Variants in CCDC146 observed in about 807,000 individuals in gnomAD.
The protein encoded by CCDC146 is coiled-coil domain-containing protein 146.
Under a neutral mutation model 119.3 loss-of-function variants are expected in CCDC146, and 92 were observed. The observed-to-expected ratio is 0.77, with a 90% confidence interval of 0.65 to 0.92. The LOEUF (loss-of-function observed/expected upper bound fraction) is 0.92. Ranked by LOEUF, CCDC146 falls within the 40% of genes least tolerant of loss-of-function variation. The pLI is 0.00. For missense variants in CCDC146, 1,000 were observed against 1,103.0 expected (o/e 0.91, Z 1.32); for synonymous variants, 372 against 371.8 (o/e 1.00, Z -0.01).
chr7:77,288,698 A>C (rs1161784135), intron 17 of CCDC146, among the ~76,000 whole-genome samples: 1 of 152,230 alleles, frequency 6.6e-6, no homozygotes, highest in East Asian at 1.9e-4. Context: ...GCATGAGTTC[A>C]GAAACAAAGA....
chr7:77,220,703 A>T (rs1169238729), intron 2 of CCDC146, among the ~76,000 whole-genome samples: 1 of 152,180 alleles, frequency 6.6e-6, no homozygotes, highest in Non-Finnish European at 1.5e-5. Context: ...TTAGGATTCA[A>T]ATACTCAGGT....
chr7:77,208,263 T>C (rs927853283), intron 2 of CCDC146, among the ~76,000 whole-genome samples: 7 of 152,224 alleles, frequency 4.6e-5, no homozygotes, highest in Admixed American at 1.3e-4. Flanking sequence ...CATGAGTCTA[T>C]TAATGACAGG....
intron 1 of CCDC146, among the ~76,000 whole-genome samples, chr7:77,137,302 G>GAAA (rs543963373): frequency 1.4e-5 from 2 of 144,278 alleles, no homozygotes; most frequent in Non-Finnish European, 3.0e-5. Flanking sequence ...AGATTGGGAA[G>GAAA]AAAAAAAATA....
Position 77,287,589 on chromosome 7 carries a change from AC to A in CCDC146, c.2415+15del. 3 of 1,609,896 alleles carry A rather than the reference AC, an allele frequency of 1.9e-6. No individual in the cohort carries two copies. Among genetic ancestry groups the A allele is most frequent in the Non-Finnish European group, 2.5e-6 (3 of 1,178,222 alleles). ...TCTTAGCCAAGAAGGTAGGCCTGAGACCCTGCCTTTTCCCTTCTGCCCCTGC... is the reference window on the plus strand; with the variant it reads ...TCTTAGCCAAGAAGGTAGGCCTGAGACCTGCCTTTTCCCTTCTGCCCCTGC... On this transcript the variant is annotated intron_variant, in intron 17 of 18. Transcript: ENST00000285871.
At chr7:77,286,622 G>A (rs992716902) in intron 15 of CCDC146, among the ~76,000 whole-genome samples, 176 bp from the exon 16 acceptor site, 1 of 152,166 alleles carries the variant, frequency 6.6e-6, no homozygotes, top group Non-Finnish European at 1.5e-5. Flanking sequence ...TACCATAAAT[G>A]AGCAGAAACG....
At chr7:77,173,404 G>A (rs1295426197) in intron 2 of CCDC146, among the ~76,000 whole-genome samples, 6 of 152,040 alleles carry the variant, frequency 3.9e-5, no homozygotes, top group African/African-American at 1.5e-4. Context: ...TGAGGTGAGC[G>A]GATCACCTGA....
intron 3 of CCDC146, among the ~76,000 whole-genome samples, chr7:77,241,001 T>A (rs1278672483): frequency 1.3e-5 from 2 of 149,340 alleles, no homozygotes; most frequent in African/African-American, 2.5e-5. Flanking sequence ...TTTGTTTGTT[T>A]TTTTGGGTTT....
At chr7:77,144,123 G>T (rs1478310140) in intron 1 of CCDC146, among the ~76,000 whole-genome samples, 41 of 151,588 alleles carry the variant, frequency 2.7e-4, no homozygotes, top group Non-Finnish European at 5.6e-4. Context: ...CCTTGAAGAG[G>T]TCCTTCACAT....
intron 1 of CCDC146, among the ~76,000 whole-genome samples, chr7:77,136,375 G>A (rs1784730000): frequency 6.6e-6 from 1 of 152,118 alleles, no homozygotes; most frequent in African/African-American, 2.4e-5. Context: ...AAATTGATAA[G>A]CCTCTAGTGA....
chr7:77,254,097 A>T lies in CCDC146; in HGVS notation c.450-409A>T, dbSNP rs184911880. Among the ~76,000 whole-genome samples the T allele has an allele frequency of 2.8e-3, 419 of 152,298 alleles. 2 individuals carry two copies. The highest frequency in any genetic ancestry group is 9.4e-3 in the African/African-American group (389 of 41,572). On this transcript the variant is annotated intron_variant, in intron 4 of 18. Coordinates refer to ENST00000285871, the MANE Select transcript of CCDC146 (RefSeq NM_020879.3). ...AAAATCACTGTGGTATGGGTGGAGA[A>T]TTGACTTTAATGGGCAAAGGTGGAT...
intron 1 of CCDC146, among the ~76,000 whole-genome samples, chr7:77,146,448 CATT>C (rs1791021132): frequency 6.6e-6 from 1 of 152,152 alleles, no homozygotes; most frequent in South Asian, 2.1e-4. Flanking sequence ...TTGATCCTGT[CATT>C]ATGATGTTGG....
intron 1 of CCDC146, among the ~76,000 whole-genome samples, chr7:77,159,537 A>G (rs1584032236): frequency 1.3e-5 from 2 of 152,156 alleles, no homozygotes; most frequent in African/African-American, 2.4e-5. Context: ...TCATATGTCC[A>G]TGGAAATTTA....
In CCDC146 at chr7:77,196,999, A is replaced by G; in HGVS notation, c.156+29175A>G. 1 of 1,483,346 alleles carries G rather than the reference A, an allele frequency of 6.7e-7. No individual in the cohort carries two copies. Among genetic ancestry groups the G allele is most frequent in the Non-Finnish European group, 9.3e-7 (1 of 1,076,428 alleles). 91.9% of individuals were successfully genotyped at this position (1,483,346 alleles called of 1,614,324 possible). ...TTAGATGTTGAACTGAAGGGGAAAT[A>G]AAAGGAAGGCATTGGATCTTGTTAA... is the stretch of plus-strand genomic sequence containing the variant. On this transcript the variant is annotated intron_variant, in intron 2 of 18. Transcript: ENST00000285871. The surrounding 1 kb of genome is among the most constrained non-coding windows in gnomAD (Gnocchi z 4.2).
At chr7:77,235,799 G>T (rs1251723939) in intron 2 of CCDC146, among the ~76,000 whole-genome samples, 1 of 152,160 alleles carries the variant, frequency 6.6e-6, no homozygotes, top group Non-Finnish European at 1.5e-5. Context: ...GTAAGGGCCA[G>T]GCTTTCACGC....
At chr7:77,208,249 C>T (rs1327678338) in intron 2 of CCDC146, among the ~76,000 whole-genome samples, 1 of 152,208 alleles carries the variant, frequency 6.6e-6, no homozygotes, top group Non-Finnish European at 1.5e-5. Flanking sequence ...ACAGTATCTA[C>T]AGTCATGAGT....
At chr7:77,160,315 G>C (rs1584032829) in intron 1 of CCDC146, among the ~76,000 whole-genome samples, 1 of 152,258 alleles carries the variant, frequency 6.6e-6, no homozygotes, top group Middle Eastern at 3.4e-3. Context: ...GAAAGTAATT[G>C]GTAGCTTGAT....
chr7:77,215,423 G>C (rs576005012), intron 2 of CCDC146, among the ~76,000 whole-genome samples: 11 of 151,838 alleles, frequency 7.2e-5, no homozygotes, highest in Admixed American at 3.9e-4. Flanking sequence ...CTCAAAACTT[G>C]GAATCAGTCA....
At chr7:77,267,596 C>T (rs1409871820) in intron 9 of CCDC146, among the ~76,000 whole-genome samples, 1 of 151,488 alleles carries the variant, frequency 6.6e-6, no homozygotes, top group Non-Finnish European at 1.5e-5. Flanking sequence ...ATCACAAATA[C>T]ATTTCTTGTC....
At chr7:77,234,592 A>G (rs1209329450) in intron 2 of CCDC146, among the ~76,000 whole-genome samples, 3 of 152,114 alleles carry the variant, frequency 2.0e-5, no homozygotes, top group Admixed American at 6.6e-5. Flanking sequence ...AAAATTAGCC[A>G]GGTGTGGTGG....
Sources: gnomAD v4.1 joint callset for allele counts (sites outside exome capture counted in the v4.1 genomes callset) on GRCh38, gnomAD v4.1.1 for gene constraint, Gnocchi (gnomAD v3.1) non-coding constraint, MANE v1.5 for transcripts, NCBI Gene and HGNC (gene_info 2026-07-23, HGNC 2026-07-21) for gene names.